Variants in SEC23B observed in about 807,000 individuals in gnomAD.
SEC23B encodes protein transport protein Sec23B.
A neutral mutation model predicts 104.3 loss-of-function variants in SEC23B; 77 were observed. That is an observed-to-expected ratio of 0.74 (90% CI 0.61 to 0.89). The LOEUF (loss-of-function observed/expected upper bound fraction) is 0.89. Among genes scored for constraint, SEC23B ranks in the 40% least tolerant of loss-of-function variants. The pLI, the probability that SEC23B is intolerant of heterozygous loss-of-function variation, is 0.00. For synonymous variants in SEC23B, 338 were observed against 332.5 expected (o/e 1.02, Z -0.18); for missense variants, 885 against 949.4 (o/e 0.93, Z 0.89).
rs1186035817 is a variant in SEC23B, at chr20:18,548,759, G to A, written c.1894G>A (p.Gly632Arg). Residue 632 changes from glycine to arginine, a missense_variant, in exon 16 of 20, where the codon GGG (glycine) becomes AGG (arginine). Physicochemically the swap from Gly to Arg is moderately radical, Grantham distance 125. Transcript: ENST00000650089. ...CATTCTCTACTCTTACTCCTTTCAT[G>A]GGCCACCAGAGGTGAGGCTCTACCC... ...QPILYSYSFH[G>R]PPEPVLLDSS... 2 of 1,614,072 alleles carry A rather than the reference G, an allele frequency of 1.2e-6. No homozygotes were observed. Among genetic ancestry groups the A allele is most frequent in the Non-Finnish European group, 1.7e-6 (2 of 1,180,010 alleles).
rs1265924712 is a variant in SEC23B, at chr20:18,542,385, G to A, written c.1494G>A (p.Val498=). 1 of 1,614,060 alleles carries A rather than the reference G, an allele frequency of 6.2e-7. No individual in the cohort carries two copies. Among genetic ancestry groups the A allele is most frequent in the Non-Finnish European group, 8.5e-7 (1 of 1,180,018 alleles). ...QHSSTQRRIR[V]TTIARNWADV... ...CCAGCACCCAGAGACGCATCCGCGT[G>A]ACCACCATCGCCCGAAAGTAAGCAG... Residue 498 remains valine, a synonymous_variant, in exon 13 of 20, where the codon GTG becomes GTA. Coordinates refer to ENST00000650089, the MANE Select transcript of SEC23B (RefSeq NM_006363.6).
intron 10 of SEC23B, 121 bp downstream of exon 10, chr20:18,530,924 T>C (rs1284821046): frequency 2.7e-6 from 2 of 728,854 alleles, no homozygotes; most frequent in East Asian, 5.3e-5. Context: ...TTATGAGGCA[T>C]GAGCCACTGT....
At position 18,524,468 on chromosome 20, in the gene SEC23B, G is replaced by A. The variant is rs2060115631; in HGVS notation, c.402G>A (p.Val134=). The A allele has an allele frequency of 6.2e-7, 1 of 1,614,010 alleles. No homozygotes were observed. Among genetic ancestry groups the A allele is most frequent in the Non-Finnish European group, 8.5e-7 (1 of 1,180,020 alleles). ...GAQSPLIFLY[V]VDTCLEEDDL... is the part of the protein sequence containing the mutation. ...AGTCCCCTCTGATCTTTCTCTATGT[G>A]GTTGACACATGCCTGGAGGAAGATG... is the stretch of plus-strand genomic sequence containing the variant. The change falls in exon 5 of 20, where the codon GTG becomes GTA. Residue 134 remains valine, a synonymous_variant. Coordinates refer to ENST00000650089, the MANE Select transcript of SEC23B (RefSeq NM_006363.6).
chr20:18,527,588 G>A lies in SEC23B; in HGVS notation c.1086G>A (p.Met362Ile), dbSNP rs781104521. ...TTGATCAAACTGGACTTTTGGAGAT[G>A]AAGTGTTGTGCAAATCTTACTGGGT... ...CALDQTGLLE[M>I]KCCANLTGGY... The change falls in exon 9 of 20, where the codon ATG becomes ATA. Residue 362 changes from methionine (M) to isoleucine (I), a missense_variant. Transcript: ENST00000650089. 19 of 1,607,614 alleles carry A rather than the reference G, an allele frequency of 1.2e-5. No homozygotes were observed. Among genetic ancestry groups the A allele is most frequent in the Non-Finnish European group, 1.6e-5 (19 of 1,174,022 alleles).
chr20:18,509,013 G>A (rs966233253), intron 1 of SEC23B, among the ~76,000 whole-genome samples: 2 of 152,174 alleles, frequency 1.3e-5, no homozygotes, highest in Admixed American at 1.3e-4. Context: ...GAGCCACCGC[G>A]CCCGGCCGCC....
chr20:18,530,869 T>G, intron 10 of SEC23B, 66 bp downstream of exon 10: 1 of 1,333,936 alleles, frequency 7.5e-7, no homozygotes, highest in Non-Finnish European at 1.1e-6. Flanking sequence ...CTCAAACTCC[T>G]GGTCTCAGGC....
rs144312965 is a variant in SEC23B at position 18,544,284 on chromosome 20, C to CAT, written c.1665+1113_1665+1114dup. Among the ~76,000 whole-genome samples the CAT allele has an allele frequency of 3.3e-3, 464 of 142,732 alleles. 3 individuals are homozygous for CAT. The highest frequency in any genetic ancestry group is 0.011 in the African/African-American group (447 of 40,256). The allele number at this position is 142,732 out of a possible 152,430, so 93.6% of individuals were successfully genotyped here. A position where few individuals can be genotyped will look rare whatever the true frequency, so the allele number is the denominator to read the frequency against. The stretch of plus-strand genomic sequence containing the variant: ...TGTTCAGCCCTCTATTTGCCCTTGC[C>CAT]ATCTCATGGAACCATTTTTCAGGAA... On this transcript the variant is annotated intron_variant, in intron 14 of 19. Transcript: ENST00000650089.
intron 17 of SEC23B, among the ~76,000 whole-genome samples, chr20:18,551,715 A>G (rs927418502): frequency 7.2e-6 from 1 of 138,840 alleles, no homozygotes; most frequent in African/African-American, 2.6e-5. Context: ...CTCCATCTCA[A>G]AAAATAAATA....
chr20:18,557,145 A>AT (rs2060447196), intron 19 of SEC23B, among the ~76,000 whole-genome samples: 1 of 151,976 alleles, frequency 6.6e-6, no homozygotes, highest in African/African-American at 2.4e-5. Flanking sequence ...GTGCCATTTT[A>AT]TTTTTTGTTT....
In SEC23B at chr20:18,512,226, C is replaced by T; in HGVS notation, c.223C>T (p.Gln75Ter). Residue 75 changes from glutamine to a stop codon, truncating the protein, a stop_gained and splice_region_variant, in exon 3 of 20, where the codon CAG (glutamine) becomes TAG (stop). Coordinates refer to ENST00000650089, the MANE Select transcript of SEC23B (RefSeq NM_006363.6). LOFTEE classifies it high-confidence loss of function. ...TTATAATATTTATCTTTCTCACAGTCAGGTTGATTATCGAGCAAAACTTTG... is the reference window on the plus strand; with the variant it reads ...TTATAATATTTATCTTTCTCACAGTTAGGTTGATTATCGAGCAAAACTTTG... Reference protein sequence around the residue: ...TCKAVLNPLCQVDYRAKLWAC... With the variant: ...TCKAVLNPLC 6.3e-7 allele frequency: 1 copy of T among 1,578,070 alleles called. No individual in the cohort carries two copies. The highest frequency in any genetic ancestry group is 1.1e-5 in the South Asian group (1 of 87,982).
At chr20:18,550,038 ATAAAT>A (rs1268432980) in intron 16 of SEC23B, among the ~76,000 whole-genome samples, 1 of 148,304 alleles carries the variant, frequency 6.7e-6, no homozygotes, top group Non-Finnish European at 1.5e-5. Flanking sequence ...TGTAAATATA[ATAAAT>A]TATATATGTA....
intron 19 of SEC23B, among the ~76,000 whole-genome samples, chr20:18,558,463 A>G (rs75538312): frequency 0.099 from 15,099 of 152,218 alleles, 938 homozygotes; most frequent in East Asian, 0.27. Flanking sequence ...CTCTTGCCAA[A>G]TAGGAAAGTT....
chr20:18,515,520 C>G (rs1043252402), intron 3 of SEC23B, 130 bp from the exon 4 acceptor site: 6 of 681,246 alleles, frequency 8.8e-6, no homozygotes, highest in Non-Finnish European at 1.6e-5. Context: ...ACAGTGTTGC[C>G]CAAGCTAGTC....
intron 16 of SEC23B, among the ~76,000 whole-genome samples, chr20:18,550,567 T>C (rs796724538): frequency 9.2e-5 from 14 of 152,314 alleles, no homozygotes; most frequent in African/African-American, 3.4e-4. Context: ...ATTGCTAAAA[T>C]ACATACAAAA....
chr20:18,553,210 C>T (rs138524268), intron 17 of SEC23B, among the ~76,000 whole-genome samples: 2 of 152,352 alleles, frequency 1.3e-5, no homozygotes, highest in East Asian at 1.9e-4. Flanking sequence ...GCGTGCTGAA[C>T]GCGAGTGTTC....
intron 12 of SEC23B, among the ~76,000 whole-genome samples, chr20:18,537,766 A>C (rs1375807260): frequency 6.6e-6 from 1 of 152,026 alleles, no homozygotes; most frequent in Non-Finnish European, 1.5e-5. Flanking sequence ...ATAAATAAAA[A>C]AACCTGTGTT....
At chr20:18,552,107 G>A (rs1214933295) in intron 17 of SEC23B, among the ~76,000 whole-genome samples, 1 of 152,168 alleles carries the variant, frequency 6.6e-6, no homozygotes, top group East Asian at 1.9e-4. Flanking sequence ...TTTATATTCA[G>A]TGATGCTTTT....
Position 18,527,546 on chromosome 20 carries a change from T to C in SEC23B, c.1044T>C (p.Asp348=). 1 of 1,613,912 alleles carries C rather than the reference T, an allele frequency of 6.2e-7. No homozygotes were observed. The highest frequency in any genetic ancestry group is 1.1e-5 in the South Asian group (1 of 91,086). ...CAGCTGCAAATGGTCACTGCATTGA[T>C]ATTTATGCTTGTGCCCTTGATCAAA... ...NRTAANGHCI[D]IYACALDQTG... The change falls in exon 9 of 20, where the codon GAT becomes GAC. Residue 348 remains aspartate, a synonymous_variant. Transcript: ENST00000650089.
chr20:18,520,363 A>G (rs1230226197), intron 4 of SEC23B, among the ~76,000 whole-genome samples: 1 of 152,008 alleles, frequency 6.6e-6, no homozygotes, highest in Non-Finnish European at 1.5e-5. Flanking sequence ...GCGGGGTAAG[A>G]GTGATTAGGT....
Sources: allele counts gnomAD v4.1 joint callset (sites outside exome capture counted in the v4.1 genomes callset), GRCh38; gene constraint gnomAD v4.1.1; transcripts MANE v1.5; gene names NCBI Gene and HGNC (gene_info 2026-07-23, HGNC 2026-07-21).